Variants in GOLGA3 observed in about 807,000 individuals in gnomAD.
GOLGA3 encodes the protein golgin subfamily A member 3.
A neutral mutation model predicts 169.4 loss-of-function variants in GOLGA3; 75 were observed. The observed-to-expected ratio is 0.44, with a 90% CI of 0.37 to 0.54. The LOEUF (loss-of-function observed/expected upper bound fraction) is 0.54, where lower values mean the gene tolerates loss of function less well. Among genes scored for constraint, GOLGA3 ranks in the 20% least tolerant of loss-of-function variants. GOLGA3 has a pLI of 0.00. For missense variants in GOLGA3, 1,899 were observed against 1,930.0 expected (o/e 0.98, Z 0.30); for synonymous variants, 824 against 822.4 (o/e 1.00, Z -0.03).
At position 132,791,243 on chromosome 12, in the gene GOLGA3, T is replaced by C. The variant is rs2046216536; in HGVS notation, c.2520A>G (p.Lys840=). The C allele has an allele frequency of 1.2e-6, 2 of 1,607,176 alleles. No individual in the cohort carries two copies. Among genetic ancestry groups the C allele is most frequent in the Non-Finnish European group, 8.5e-7 (1 of 1,174,432 alleles). Residue 840 remains lysine (K), a synonymous_variant, in exon 12 of 24, where the codon AAA becomes AAG. Transcript: ENST00000450791. ...TTTGTTGGAGAAACTGTTCCTTTATTTTTTGCATTTGCTTTTTCAGAGCAG... is the reference window on the plus strand; with the variant it reads ...TTTGTTGGAGAAACTGTTCCTTTATCTTTTGCATTTGCTTTTTCAGAGCAG... ...ETAALKKQMQ[K]IKEQFLQQKV... is the part of the protein sequence containing the mutation.
At chr12:132,805,783 C>T (rs993280730) in intron 6 of GOLGA3, among the ~76,000 whole-genome samples, 8 of 152,246 alleles carry the variant, frequency 5.3e-5, no homozygotes, top group Admixed American at 3.3e-4. Context: ...CCGTCTCCTG[C>T]GAGGACACTG....
chr12:132,788,511 G>T (rs1241914306), intron 13 of GOLGA3, among the ~76,000 whole-genome samples: 2 of 152,096 alleles, frequency 1.3e-5, no homozygotes, highest in Non-Finnish European at 2.9e-5. Context: ...CAGCATCTCG[G>T]ACACCCACTG....
At position 132,773,313 on chromosome 12, in the gene GOLGA3, G is replaced by A; in HGVS notation, c.4308-19C>T. The A allele has an allele frequency of 1.5e-6, 2 of 1,357,160 alleles. No homozygotes were observed. The highest frequency in any genetic ancestry group is 9.7e-7 in the Non-Finnish European group (1 of 1,030,736). The allele number at this position is 1,357,160 out of a possible 1,614,324, so 84.1% of individuals were successfully genotyped here. A position where few individuals can be genotyped will look rare whatever the true frequency, so the allele number is the denominator to read the frequency against. ...CTCCTGCCTGGGACAGAAGAAGGAG[G>A]AAGAAGGCCCAGATCACACAAGTGC... is the stretch of plus-strand genomic sequence containing the variant. On this transcript the variant is annotated intron_variant, in intron 23 of 23. Coordinates refer to ENST00000450791, the MANE Select transcript of GOLGA3 (RefSeq NM_001389683.1).
In GOLGA3 at chr12:132,772,102, G is replaced by A. The variant is rs2044921596; in HGVS notation, c.*1003C>T. 1 of 152,236 alleles carries A rather than the reference G, an allele frequency of 6.6e-6. No individual in the cohort carries two copies. The highest frequency in any genetic ancestry group is 2.4e-5 in the African/African-American group (1 of 41,466). The allele number at this position is 152,236 out of a possible 1,614,324, so 9.4% of individuals were successfully genotyped here. A position where few individuals can be genotyped will look rare whatever the true frequency, so the allele number is the denominator to read the frequency against. Reference sequence around the variant, plus strand: ...GGACCTTTCTGTGTAAGAATATTTGGCTTTAGAAGGTAAATAAAATAATTA... The same window carrying A: ...GGACCTTTCTGTGTAAGAATATTTGACTTTAGAAGGTAAATAAAATAATTA... On this transcript the variant is annotated 3_prime_UTR_variant, in exon 24 of 24. Coordinates refer to ENST00000450791, the MANE Select transcript of GOLGA3 (RefSeq NM_001389683.1).
intron 1 of GOLGA3, 59 bp downstream of exon 1, chr12:132,828,744 G>T: frequency 9.9e-6 from 1 of 100,792 alleles, no homozygotes; most frequent in South Asian, 3.0e-4. Context: ...TGCACTGCGG[G>T]AGCGGGAGCG....
chr12:132,808,663 A>C, intron 4 of GOLGA3, 114 bp from the exon 5 acceptor site: 1 of 825,048 alleles, frequency 1.2e-6, no homozygotes, highest in Non-Finnish European at 1.9e-6. Context: ...ACAACCAGAG[A>C]GCACCACCTC....
intron 2 of GOLGA3, among the ~76,000 whole-genome samples, chr12:132,821,094 C>T (rs2008308): frequency 0.51 from 55,108 of 108,362 alleles, 14,199 homozygotes; most frequent in Non-Finnish European, 0.62. Context: ...AACAGGACAC[C>T]GTCTCAAAAA....
intron 11 of GOLGA3, among the ~76,000 whole-genome samples, chr12:132,794,921 G>A (rs1948755422): frequency 6.6e-6 from 1 of 152,190 alleles, no homozygotes; most frequent in Non-Finnish European, 1.5e-5. Context: ...AGAATAGGTG[G>A]CTCACACCTG....
chr12:132,809,138 A>G (rs12827999), intron 4 of GOLGA3, among the ~76,000 whole-genome samples: 41,054 of 151,178 alleles, frequency 0.27, 5,850 homozygotes, highest in Middle Eastern at 0.44. Context: ...CCTGGCAACC[A>G]AGGCAGAGAG....
Position 132,808,260 on chromosome 12 carries a change from T to G in GOLGA3, c.809A>C (p.Lys270Thr), listed in dbSNP as rs758970136. The change falls in exon 5 of 24, where the codon AAG (lysine) becomes ACG (threonine). Residue 270 changes from lysine (K) to threonine (T), a missense_variant. By Grantham distance (78) the Lys-to-Thr change is moderately conservative. Coordinates refer to ENST00000450791, the MANE Select transcript of GOLGA3 (RefSeq NM_001389683.1). ...GGNVPAPDSTKGSLKQNRSSA... is the reference protein window; with the variant it reads ...GGNVPAPDSTTGSLKQNRSSA... ...GCTTCTGTTCTGCTTCAGGGAACCC[T>G]TGGTAGAATCGGGAGCCGGGACATT... 6 of 1,614,064 alleles carry G rather than the reference T, an allele frequency of 3.7e-6. No homozygotes were observed. The highest frequency in any genetic ancestry group is 4.2e-6 in the Non-Finnish European group (5 of 1,180,022).
chr12:132,805,319 C>T (rs1397924275), intron 6 of GOLGA3, among the ~76,000 whole-genome samples: 1 of 86,368 alleles, frequency 1.2e-5, no homozygotes, highest in Non-Finnish European at 2.3e-5. Context: ...CAGGCGCTCT[C>T]CCAAGGCCTG....
intron 11 of GOLGA3, among the ~76,000 whole-genome samples, chr12:132,794,928 C>T (rs1380087542): frequency 6.6e-6 from 1 of 152,220 alleles, no homozygotes; most frequent in Non-Finnish European, 1.5e-5. Flanking sequence ...GTGGCTCACA[C>T]CTGTAATCCC....
chr12:132,810,449 G>C (rs991347343), intron 4 of GOLGA3, among the ~76,000 whole-genome samples: 17 of 152,114 alleles, frequency 1.1e-4, no homozygotes, highest in African/African-American at 3.9e-4. Flanking sequence ...ACCAGATATA[G>C]ATCTTAGATA....
At chr12:132,798,979 C>G (rs952696869) in intron 8 of GOLGA3, among the ~76,000 whole-genome samples, 1 of 152,302 alleles carries the variant, frequency 6.6e-6, no homozygotes, top group African/African-American at 2.4e-5. Context: ...CCAAGCGTCT[C>G]GTGAAAAAGC....
rs958272272 is a variant in GOLGA3 at position 132,769,763 on chromosome 12, T to C, written c.*3342A>G. 6.6e-6 allele frequency: 1 copy of C among 152,212 alleles called. No homozygotes were observed. The highest frequency in any genetic ancestry group is 1.5e-5 in the Non-Finnish European group (1 of 68,040). The allele number at this position is 152,212 out of a possible 1,614,324, so 9.4% of individuals were successfully genotyped here. A position where few individuals can be genotyped will look rare whatever the true frequency, so the allele number is the denominator to read the frequency against. ...ACATAATGCACTGGTGACCCTGTTT[T>C]GTAAGCAGTACTCCCAACTTCACTG... On this transcript the variant is annotated 3_prime_UTR_variant, in exon 24 of 24. Coordinates refer to ENST00000450791, the MANE Select transcript of GOLGA3 (RefSeq NM_001389683.1).
intron 11 of GOLGA3, 142 bp from the exon 12 acceptor site, chr12:132,791,435 C>A: frequency 3.4e-6 from 2 of 580,908 alleles, no homozygotes; most frequent in Non-Finnish European, 6.1e-6. Flanking sequence ...CACATCCTCA[C>A]AGATGTTACA....
intron 8 of GOLGA3, among the ~76,000 whole-genome samples, chr12:132,801,518 A>T (rs1949125363): frequency 6.6e-6 from 1 of 152,052 alleles, no homozygotes; most frequent in African/African-American, 2.4e-5. Flanking sequence ...GCCCAGCAAG[A>T]GAGGCTTTGG....
Position 132,819,155 on chromosome 12 carries a change from C to T in GOLGA3, c.134-2343G>A, listed in dbSNP as rs138745039. Among the ~76,000 whole-genome samples, 9 of 152,146 alleles carry T rather than the reference C, an allele frequency of 5.9e-5. No homozygotes were observed. In the East Asian group the frequency reaches 1.5e-3, roughly 26 times the overall value. On this transcript the variant is annotated intron_variant, in intron 2 of 23. Transcript: ENST00000450791. The stretch of plus-strand genomic sequence containing the variant: ...GGCTCTGGAGGCCCGGCAACACCTC[C>T]GTGTCTCACAGGGGTCAGCATTCCT...
intron 2 of GOLGA3, among the ~76,000 whole-genome samples, chr12:132,821,602 G>A (rs1950215791): frequency 3.9e-5 from 6 of 152,088 alleles, no homozygotes; most frequent in Admixed American, 3.9e-4. Flanking sequence ...TGTAATCCCA[G>A]CACTTTGAGG....
Sources: allele counts gnomAD v4.1 joint callset (sites outside exome capture counted in the v4.1 genomes callset), GRCh38; gene constraint gnomAD v4.1.1; transcripts MANE v1.5; gene names NCBI Gene and HGNC (gene_info 2026-07-23, HGNC 2026-07-21).